ACTR2: variants seen among roughly 807,000 people sequenced by gnomAD.
ACTR2 encodes the protein actin related protein 2.
ACTR2 carries 5 observed loss-of-function variants against 50.2 expected under a neutral mutation model. The ratio of observed to expected loss-of-function variants is 0.10; its 90% CI spans 0.05 to 0.21. The LOEUF is 0.21. Among genes scored for constraint, ACTR2 ranks in the 10% least tolerant of loss-of-function variants. The pLI is 1.00. For missense variants in ACTR2, 180 were observed against 480.6 expected (o/e 0.37, Z 5.85); for synonymous variants, 140 against 162.9 (o/e 0.86, Z 1.07).
chr2:65,260,870 A>G (rs1334707977), intron 6 of ACTR2, among the ~76,000 whole-genome samples: 2 of 151,168 alleles, frequency 1.3e-5, no homozygotes, highest in East Asian at 2.0e-4. Context: ...AGCTGGGACT[A>G]TAGGCGCCCG....
At chr2:65,231,724 C>A (rs1671640100) in intron 1 of ACTR2, among the ~76,000 whole-genome samples, 1 of 152,080 alleles carries the variant, frequency 6.6e-6, no homozygotes, top group Non-Finnish European at 1.5e-5. Context: ...ATTCTTTTAA[C>A]CTCTCTGGCA....
chr2:65,229,322 G>C (rs556033659), intron 1 of ACTR2, among the ~76,000 whole-genome samples: 17 of 152,154 alleles, frequency 1.1e-4, no homozygotes, highest in Non-Finnish European at 2.1e-4. Context: ...TTTGGAATCT[G>C]AATTGTTGAG....
Position 65,270,248 on chromosome 2 carries a change from T to C in ACTR2, c.*1514T>C, listed in dbSNP as rs1672466238. 6.6e-6 allele frequency: 1 copy of C among 152,596 alleles called. No homozygotes were observed. Among genetic ancestry groups the C allele is most frequent in the African/African-American group, 2.4e-5 (1 of 41,448 alleles). 9.5% of individuals were successfully genotyped at this position (152,596 alleles called of 1,614,324 possible). ...TGAAAGAAGAGGCTTAATTTGGGGG[T>C]GGTAACTAAAATCAAAAGAAATGAT... is the stretch of plus-strand genomic sequence containing the variant. On this transcript the variant is annotated 3_prime_UTR_variant, in exon 9 of 9. Transcript: ENST00000260641.
At chr2:65,250,543 C>T (rs1408130313) in intron 3 of ACTR2, among the ~76,000 whole-genome samples, 2 of 143,536 alleles carry the variant, frequency 1.4e-5, no homozygotes, top group South Asian at 2.2e-4. Context: ...CATGGTGGTG[C>T]ATGCCTGTAG....
intron 1 of ACTR2, among the ~76,000 whole-genome samples, chr2:65,238,199 A>T (rs750612745): frequency 8.3e-4 from 127 of 152,240 alleles, no homozygotes; most frequent in Middle Eastern, 3.4e-3. Context: ...TTAAAAAAGT[A>T]TTAAAAGCTC....
intron 1 of ACTR2, among the ~76,000 whole-genome samples, chr2:65,236,232 G>T (rs1368156024): frequency 1.3e-5 from 2 of 151,764 alleles, no homozygotes; most frequent in African/African-American, 4.8e-5. Flanking sequence ...CCAGCTACTT[G>T]GGAGGCTGAG....
intron 8 of ACTR2, among the ~76,000 whole-genome samples, chr2:65,266,135 C>T (rs1444112404): frequency 6.6e-6 from 1 of 151,998 alleles, no homozygotes; most frequent in Admixed American, 6.6e-5. Flanking sequence ...GTCTAGGTGC[C>T]GGGGACAAAC....
intron 5 of ACTR2, 39 bp from the exon 6 acceptor site, chr2:65,255,506 C>T (rs746906281): frequency 4.4e-6 from 7 of 1,575,828 alleles, no homozygotes; most frequent in Non-Finnish European, 6.1e-6. Flanking sequence ...AGAACTCATT[C>T]AGATGTATTA....
At chr2:65,239,088 A>G (rs139309348) in intron 1 of ACTR2, among the ~76,000 whole-genome samples, 3 of 152,392 alleles carry the variant, frequency 2.0e-5, no homozygotes, top group African/African-American at 7.2e-5. Flanking sequence ...CGATTTGCCC[A>G]AAATGAATGA....
chr2:65,264,964 C>A, intron 7 of ACTR2, 79 bp from the exon 8 acceptor site: 1 of 1,522,098 alleles, frequency 6.6e-7, no homozygotes, highest in Non-Finnish European at 9.0e-7. Context: ...AACCCCGAGG[C>A]TGACATAAGT....
chr2:65,242,724 G>A (rs1671863847), intron 2 of ACTR2: 1 of 461,318 alleles, frequency 2.2e-6, no homozygotes, highest in South Asian at 1.6e-5. Flanking sequence ...CTATAAGCTT[G>A]CTGGTCTTAT....
intron 1 of ACTR2, among the ~76,000 whole-genome samples, chr2:65,233,218 C>T (rs536310773): frequency 1.3e-5 from 2 of 152,216 alleles, no homozygotes; most frequent in East Asian, 3.9e-4. Flanking sequence ...TGGTCTCCAA[C>T]TCCTGACGTC....
chr2:65,261,137 G>T, intron 6 of ACTR2, 110 bp from the exon 7 acceptor site: 25 of 1,013,488 alleles, frequency 2.5e-5, no homozygotes, highest in South Asian at 9.0e-5. Flanking sequence ...ATTGTTGTTG[G>T]TAATGATTTT....
intron 6 of ACTR2, among the ~76,000 whole-genome samples, chr2:65,257,811 T>C (rs1334682262): frequency 6.6e-6 from 1 of 152,256 alleles, no homozygotes; most frequent in East Asian, 1.9e-4. Flanking sequence ...CTGGTAAATT[T>C]GTTTAAGTTC....
intron 1 of ACTR2, among the ~76,000 whole-genome samples, chr2:65,232,168 G>T (rs1451957720): frequency 1.3e-5 from 2 of 152,182 alleles, no homozygotes; most frequent in African/African-American, 4.8e-5. Flanking sequence ...TGAAACTCTA[G>T]GTTTAGGTCC....
intron 2 of ACTR2, among the ~76,000 whole-genome samples, chr2:65,245,830 A>G (rs1426966541): frequency 2.0e-5 from 3 of 152,206 alleles, no homozygotes; most frequent in Non-Finnish European, 2.9e-5. Flanking sequence ...GTTTTCCAGT[A>G]TACTTTAAGA....
At chr2:65,265,226 A>G (rs753498598) in intron 8 of ACTR2, 51 bp downstream of exon 8, 29 of 1,607,138 alleles carry the variant, frequency 1.8e-5, no homozygotes, top group Non-Finnish European at 2.4e-5. Flanking sequence ...AAGGCTATAC[A>G]GTAGTTTGTG....
intron 6 of ACTR2, among the ~76,000 whole-genome samples, chr2:65,258,833 C>T (rs557340261): frequency 1.3e-5 from 2 of 152,234 alleles, no homozygotes; most frequent in East Asian, 3.9e-4. Flanking sequence ...CACTATCAGG[C>T]TTCAAGTGCT....
At chr2:65,244,707 G>A (rs1671902352) in intron 2 of ACTR2, among the ~76,000 whole-genome samples, 1 of 152,068 alleles carries the variant, frequency 6.6e-6, no homozygotes, top group African/African-American at 2.4e-5. Flanking sequence ...TAGCACTTTG[G>A]GAGGCTGAGG....
Sources: allele counts gnomAD v4.1 joint callset (sites outside exome capture counted in the v4.1 genomes callset), GRCh38; gene constraint gnomAD v4.1.1; transcripts MANE v1.5; gene names NCBI Gene and HGNC (gene_info 2026-07-23, HGNC 2026-07-21).